CENPW: variants seen among roughly 807,000 people sequenced by gnomAD.
CENPW encodes the protein centromere protein W.
Under a neutral mutation model 11.1 loss-of-function variants are expected in CENPW, and 3 were observed. That is an observed-to-expected ratio of 0.27 (90% confidence interval 0.12 to 0.70). CENPW has a LOEUF of 0.70. Among genes scored for constraint, CENPW ranks in the 30% least tolerant of loss-of-function variants. The probability of loss-of-function intolerance (pLI) is 0.77; values close to 1 mark genes in which losing one functional copy is unlikely to be tolerated. For missense variants in CENPW, 100 were observed against 105.6 expected (o/e 0.95, Z 0.23); for synonymous variants, 38 against 42.0 (o/e 0.91, Z 0.37).
At chr6:126,391,267 T>C in the CENPW span, among the ~76,000 whole-genome samples, 1 of 152,014 alleles carries the variant, frequency 6.6e-6, no homozygotes, top group African/African-American at 2.4e-5. Flanking sequence ...CATTTGTATG[T>C]CTTTTGAAAA....
the CENPW span, among the ~76,000 whole-genome samples, chr6:126,451,824 A>T: frequency 6.6e-6 from 1 of 151,144 alleles, no homozygotes; most frequent in Non-Finnish European, 1.5e-5. Flanking sequence ...AGCCCAAGAA[A>T]TTTGGTTAGT....
At chr6:126,472,833 C>G in the CENPW span, among the ~76,000 whole-genome samples, 5 of 152,160 alleles carry the variant, frequency 3.3e-5, no homozygotes, top group Non-Finnish European at 7.3e-5. Context: ...TCATTTTAGT[C>G]ATTCTACTAG....
the CENPW span, among the ~76,000 whole-genome samples, chr6:126,420,814 C>T: frequency 2.6e-5 from 4 of 152,086 alleles, no homozygotes; most frequent in Non-Finnish European, 5.9e-5. Flanking sequence ...AAAGTAGGGA[C>T]ACATCACCAT....
chr6:126,445,494 T>G, the CENPW span, among the ~76,000 whole-genome samples: 3 of 151,398 alleles, frequency 2.0e-5, no homozygotes, highest in Admixed American at 2.0e-4. Context: ...CCTTGAAGAT[T>G]TAATTAACAA....
the CENPW span, among the ~76,000 whole-genome samples, chr6:126,370,247 G>C: frequency 6.6e-6 from 1 of 152,022 alleles, no homozygotes; most frequent in African/African-American, 2.4e-5. Context: ...TGCTTTGGCT[G>C]CGTGGGATTT....
the CENPW span, among the ~76,000 whole-genome samples, chr6:126,445,319 T>A: frequency 6.6e-6 from 1 of 151,280 alleles, no homozygotes; most frequent in African/African-American, 2.4e-5. Flanking sequence ...CAGCTACAGA[T>A]GTTGGCCATA....
the CENPW span, among the ~76,000 whole-genome samples, chr6:126,439,487 G>T: frequency 6.6e-6 from 1 of 151,396 alleles, no homozygotes; most frequent in African/African-American, 2.4e-5. Flanking sequence ...CATGTATGAG[G>T]GTTTTCTCTG....
the CENPW span, among the ~76,000 whole-genome samples, chr6:126,422,748 T>G: frequency 6.6e-6 from 1 of 152,164 alleles, no homozygotes; most frequent in Non-Finnish European, 1.5e-5. Flanking sequence ...TATATAAGAC[T>G]TCTTCAACCT....
the CENPW span, among the ~76,000 whole-genome samples, chr6:126,430,563 C>A: frequency 2.0e-5 from 3 of 152,144 alleles, no homozygotes; most frequent in Non-Finnish European, 4.4e-5. Context: ...GGGTCCTGTT[C>A]TGATTGGGCT....
the CENPW span, among the ~76,000 whole-genome samples, chr6:126,403,574 G>A: frequency 6.6e-6 from 1 of 152,120 alleles, no homozygotes; most frequent in Non-Finnish European, 1.5e-5. Context: ...AGGTAAAGAA[G>A]CTGTAGAGGA....
At chr6:126,393,741 T>C in the CENPW span, among the ~76,000 whole-genome samples, 1 of 149,382 alleles carries the variant, frequency 6.7e-6, no homozygotes, top group Non-Finnish European at 1.5e-5. Context: ...AAATTATATA[T>C]GGATATACAT....
the CENPW span, among the ~76,000 whole-genome samples, chr6:126,398,009 A>T: frequency 7.9e-5 from 12 of 152,018 alleles, no homozygotes; most frequent in Non-Finnish European, 1.5e-4. Context: ...GATTTGGTTC[A>T]TTATATGCCT....
At chr6:126,414,808 A>C in the CENPW span, among the ~76,000 whole-genome samples, 5 of 151,978 alleles carry the variant, frequency 3.3e-5, no homozygotes, top group East Asian at 9.6e-4. Context: ...CTAAAAAAAA[A>C]GATGAAGAAA....
At chr6:126,435,568 G>A in the CENPW span, among the ~76,000 whole-genome samples, 9 of 151,724 alleles carry the variant, frequency 5.9e-5, no homozygotes, top group Admixed American at 6.6e-5. Flanking sequence ...TGAAACTTAG[G>A]TAATTTAAGG....
chr6:126,455,952 G>T, the CENPW span, among the ~76,000 whole-genome samples: 4 of 150,906 alleles, frequency 2.7e-5, no homozygotes, highest in South Asian at 8.3e-4. Context: ...AGTCAATCAA[G>T]AATGCAACCT....
At chr6:126,382,081 AAAAC>A in the CENPW span, among the ~76,000 whole-genome samples, 49 of 152,166 alleles carry the variant, frequency 3.2e-4, no homozygotes, top group African/African-American at 1.1e-3. Flanking sequence ...TAAAAATACA[AAAAC>A]AAAACAACAA....
chr6:126,355,538 A>G, the CENPW span, among the ~76,000 whole-genome samples: 2 of 129,782 alleles, frequency 1.5e-5, no homozygotes, highest in African/African-American at 5.1e-5. Context: ...TGAAGACAGT[A>G]ATTTGTTTCA....
At chr6:126,458,330 CCAGT>C in the CENPW span, among the ~76,000 whole-genome samples, 1 of 151,158 alleles carries the variant, frequency 6.6e-6, no homozygotes, top group Non-Finnish European at 1.5e-5. Context: ...CTATATGTCC[CCAGT>C]CAAACTGCTC....
chr6:126,451,442 G>C, the CENPW span, among the ~76,000 whole-genome samples: 1 of 151,078 alleles, frequency 6.6e-6, no homozygotes. Context: ...TGAAGAAAGA[G>C]AGATCTCTAG....
Sources: allele counts gnomAD v4.1 joint callset (sites outside exome capture counted in the v4.1 genomes callset), GRCh38; gene constraint gnomAD v4.1.1; transcripts MANE v1.5; gene names NCBI Gene and HGNC (gene_info 2026-07-23, HGNC 2026-07-21).